Variants in SHC3 observed in about 807,000 individuals in gnomAD.
SHC3 encodes the protein SHC adaptor protein 3, also known as SHC-transforming protein 3.
Under a neutral mutation model 60.4 loss-of-function variants are expected in SHC3, and 15 were observed. That is an observed-to-expected ratio of 0.25 (90% CI 0.17 to 0.38). SHC3 has a LOEUF of 0.38. Ranked by LOEUF, SHC3 falls within the 10% of genes least tolerant of loss-of-function variation. The pLI, the probability that SHC3 is intolerant of heterozygous loss-of-function variation, is 1.00. For missense variants in SHC3, 677 were observed against 786.1 expected (o/e 0.86, Z 1.66); for synonymous variants, 294 against 325.9 (o/e 0.90, Z 1.05).
intron 11 of SHC3, 73 bp downstream of exon 11, chr9:89,037,920 G>A: frequency 2.6e-6 from 4 of 1,541,752 alleles, no homozygotes; most frequent in Non-Finnish European, 3.5e-6. Flanking sequence ...GAGGGCATTT[G>A]ACAAAGTGGA....
chr9:89,065,746 T>C (rs1249950459), intron 5 of SHC3, among the ~76,000 whole-genome samples, 166 bp from the exon 6 acceptor site: 1 of 151,952 alleles, frequency 6.6e-6, no homozygotes, highest in Non-Finnish European at 1.5e-5. Flanking sequence ...AGCTATATAA[T>C]GTGGGTAGCA....
chr9:89,167,057 T>C (rs2118257937), intron 1 of SHC3, among the ~76,000 whole-genome samples: 1 of 152,102 alleles, frequency 6.6e-6, no homozygotes, highest in African/African-American at 2.4e-5. Context: ...TCATGACTTT[T>C]TTGTCCTGAG....
At chr9:89,157,273 T>G (rs1248769549) in intron 1 of SHC3, among the ~76,000 whole-genome samples, 1 of 152,162 alleles carries the variant, frequency 6.6e-6, no homozygotes, top group Non-Finnish European at 1.5e-5. Flanking sequence ...AGGGTCGTTA[T>G]AAGAGATAAG....
intron 1 of SHC3, among the ~76,000 whole-genome samples, chr9:89,143,915 T>A (rs573478078): frequency 3.3e-5 from 5 of 152,150 alleles, no homozygotes; most frequent in Admixed American, 3.3e-4. Context: ...GCCACTGATA[T>A]ATGTCTGGAC....
intron 3 of SHC3, among the ~76,000 whole-genome samples, chr9:89,076,223 G>A (rs541222487): frequency 6.6e-6 from 1 of 152,142 alleles, no homozygotes; most frequent in African/African-American, 2.4e-5. Flanking sequence ...GGAGACTCTG[G>A]AGCCTTACTT....
rs542739932 is a variant in SHC3 at position 89,044,921 on chromosome 9, T to C, written c.1201+825A>G. 7.9e-5 allele frequency among the ~76,000 whole-genome samples: 12 copies of C among 152,332 alleles called. No homozygotes were observed. In the East Asian group the frequency reaches 2.3e-3, roughly 29 times the overall value. Reference sequence around the variant, plus strand: ...AGGGCCTGTGAGAGACGTATATCCCTGGTGCCACCTCTGCCTCAATCCCCA... The same window carrying C: ...AGGGCCTGTGAGAGACGTATATCCCCGGTGCCACCTCTGCCTCAATCCCCA... On this transcript the variant is annotated intron_variant, in intron 9 of 11. Transcript: ENST00000375835.
chr9:89,152,263 G>A (rs556682255), intron 1 of SHC3, among the ~76,000 whole-genome samples: 22 of 152,218 alleles, frequency 1.4e-4, no homozygotes, highest in Non-Finnish European at 2.5e-4. Flanking sequence ...TCTTTAAGCC[G>A]AATCCTATGG....
At chr9:89,102,330 T>C (rs1825794747) in intron 2 of SHC3, among the ~76,000 whole-genome samples, 1 of 152,192 alleles carries the variant, frequency 6.6e-6, no homozygotes, top group Non-Finnish European at 1.5e-5. Context: ...TTTCCAATGC[T>C]CTTCAAATGA....
intron 5 of SHC3, among the ~76,000 whole-genome samples, chr9:89,069,063 C>G (rs553297328): frequency 6.6e-6 from 1 of 152,210 alleles, no homozygotes; most frequent in Non-Finnish European, 1.5e-5. Flanking sequence ...AATCCCAGCA[C>G]TTTGGGAGGC....
intron 11 of SHC3, among the ~76,000 whole-genome samples, chr9:89,035,858 T>TAGATA (rs1227111803): frequency 2.3e-5 from 2 of 88,722 alleles, no homozygotes; most frequent in African/African-American, 5.1e-5. Flanking sequence ...TAGATGTGTG[T>TAGATA]GTGTGTGTGT....
chr9:89,040,643 A>C (rs1824673777), intron 10 of SHC3, among the ~76,000 whole-genome samples: 2 of 152,250 alleles, frequency 1.3e-5, no homozygotes. Context: ...AAAAGCTTGG[A>C]GAGCCACCAC....
At chr9:89,080,415 T>C (rs1393808738) in intron 2 of SHC3, among the ~76,000 whole-genome samples, 1 of 152,218 alleles carries the variant, frequency 6.6e-6, no homozygotes, top group Non-Finnish European at 1.5e-5. Flanking sequence ...ACCCTCATTG[T>C]CCTCATGATT....
In SHC3 at chr9:89,006,105, A is replaced by T. The variant is rs1212568376; in HGVS notation, c.*7342T>A. Reference sequence around the variant, plus strand: ...ACATTTTCCAATAACCAATTATAACAAGAAGTGCAGCATTACCTAAATTGG... The same window carrying T: ...ACATTTTCCAATAACCAATTATAACTAGAAGTGCAGCATTACCTAAATTGG... On this transcript the variant is annotated 3_prime_UTR_variant, in exon 12 of 12. Transcript: ENST00000375835. The T allele has an allele frequency of 6.6e-6, 1 of 152,232 alleles. No homozygotes were observed. The highest frequency in any genetic ancestry group is 6.5e-5 in the Admixed American group (1 of 15,286). The allele number at this position is 152,232 out of a possible 1,614,324, so 9.4% of individuals were successfully genotyped here. A position where few individuals can be genotyped will look rare whatever the true frequency, so the allele number is the denominator to read the frequency against.
chr9:89,041,416 T>G (rs1824684757), intron 10 of SHC3, among the ~76,000 whole-genome samples: 1 of 152,218 alleles, frequency 6.6e-6, no homozygotes, highest in Non-Finnish European at 1.5e-5. Context: ...CTTTGCTGGT[T>G]TTGTTTTCCT....
At chr9:89,041,242 G>A (rs1056847526) in intron 10 of SHC3, among the ~76,000 whole-genome samples, 3 of 152,114 alleles carry the variant, frequency 2.0e-5, no homozygotes, top group Non-Finnish European at 2.9e-5. Flanking sequence ...GTTCATGAAC[G>A]ATTTAATTTC....
Position 89,095,302 on chromosome 9 carries a change from A to G in SHC3, c.545+17254T>C, listed in dbSNP as rs536624221. Among the ~76,000 whole-genome samples, 19 of 152,382 alleles carry G rather than the reference A, an allele frequency of 1.2e-4. No individual in the cohort carries two copies. The South Asian group carries it at 3.9e-3, about 32-fold the overall frequency. ...AAGGAAGGAAATTCTGACACGTGCT[A>G]CAAGATGGATAAACCTTGAGGATAT... On this transcript the variant is annotated intron_variant, in intron 2 of 11. Transcript: ENST00000375835.
intron 1 of SHC3, among the ~76,000 whole-genome samples, chr9:89,174,020 T>C (rs915388231): frequency 6.6e-6 from 1 of 152,118 alleles, no homozygotes; most frequent in Non-Finnish European, 1.5e-5. Context: ...TACAATATTA[T>C]AGTAGAATTG....
intron 2 of SHC3, among the ~76,000 whole-genome samples, chr9:89,104,176 A>C (rs934113467): frequency 2.6e-5 from 4 of 152,154 alleles, no homozygotes; most frequent in African/African-American, 4.8e-5. Flanking sequence ...CAATTGAAAA[A>C]AAAAATAAAC....
At chr9:89,154,193 T>C (rs1296279735) in intron 1 of SHC3, among the ~76,000 whole-genome samples, 1 of 151,146 alleles carries the variant, frequency 6.6e-6, no homozygotes, top group African/African-American at 2.5e-5. Flanking sequence ...GATTTTTTTG[T>C]GTGTGATTTT....
Sources: gnomAD v4.1 joint callset for allele counts (sites outside exome capture counted in the v4.1 genomes callset) on GRCh38, gnomAD v4.1.1 for gene constraint, MANE v1.5 for transcripts, NCBI Gene and HGNC (gene_info 2026-07-23, HGNC 2026-07-21) for gene names.